The following RNF111 variants were observed in gnomAD, a reference collection of about 807,000 sequenced individuals.
The protein encoded by RNF111 is ring finger protein 111.
A neutral mutation model predicts 95.1 loss-of-function variants in RNF111; 17 were observed. The ratio of observed to expected loss-of-function variants is 0.18; its 90% CI spans 0.12 to 0.27. RNF111 has a LOEUF of 0.27. Among genes scored for constraint, RNF111 ranks in the 10% least tolerant of loss-of-function variants. The pLI, the probability that RNF111 is intolerant of heterozygous loss-of-function variation, is 1.00. For synonymous variants in RNF111, 440 were observed against 414.8 expected (o/e 1.06, Z -0.74); for missense variants, 1,189 against 1,210.4 (o/e 0.98, Z 0.26).
intron 5 of RNF111, among the ~76,000 whole-genome samples, chr15:59,060,279 T>TA (rs1173363367): frequency 6.6e-6 from 1 of 152,050 alleles, no homozygotes; most frequent in Admixed American, 6.6e-5. Flanking sequence ...TTGGGTATCT[T>TA]ATATGTTATT....
intron 4 of RNF111, 22 bp from the exon 5 acceptor site, chr15:59,058,334 G>A: frequency 6.2e-7 from 1 of 1,601,006 alleles, no homozygotes; most frequent in Non-Finnish European, 8.6e-7. Flanking sequence ...GAAATGCTAA[G>A]TTGACATTTT....
At chr15:59,071,554 G>C (rs36125140) in intron 6 of RNF111, among the ~76,000 whole-genome samples, 47,385 of 151,588 alleles carry the variant, frequency 0.31, 7,535 homozygotes, top group Middle Eastern at 0.48. Flanking sequence ...TTAGCTGGGC[G>C]TGGGGTCTCG....
chr15:59,076,173 C>G lies in RNF111; in HGVS notation c.1906C>G (p.Gln636Glu). The change falls in exon 7 of 14, where the codon CAG becomes GAG. Residue 636 changes from glutamine to glutamate, a missense_variant. Transcript: ENST00000348370. ...VAQPQPQPPP[Q>E]PSLSSCRHYM... ...GCAGCCCCAGCCCCAGCCCCCTCCACAGCCCTCTCTCTCATCATGTCGACA... is the reference window on the plus strand; with the variant it reads ...GCAGCCCCAGCCCCAGCCCCCTCCAGAGCCCTCTCTCTCATCATGTCGACA... The G allele has an allele frequency of 2.5e-6, 4 of 1,613,862 alleles. No homozygotes were observed. The highest frequency in any genetic ancestry group is 2.2e-5 in the East Asian group (1 of 44,880).
chr15:59,051,110 A>G (rs1458196377), intron 2 of RNF111, among the ~76,000 whole-genome samples: 1 of 152,186 alleles, frequency 6.6e-6, no homozygotes. Context: ...CTAAATAAGG[A>G]TGCACTTTCC....
rs538681758 is a variant in RNF111 at position 59,052,178 on chromosome 15, C to A, written c.881-127C>A. ...TTCCTTGTGTATTTTTTTAAAAAACCTTTTTGACAGATAAGATTTTTATTT... is the reference window on the plus strand; with the variant it reads ...TTCCTTGTGTATTTTTTTAAAAAACATTTTTGACAGATAAGATTTTTATTT... On this transcript the variant is annotated intron_variant, in intron 2 of 13. Transcript: ENST00000348370. The A allele has an allele frequency of 1.4e-4, 119 of 837,658 alleles. No homozygotes were observed. The East Asian group carries it at 3.2e-3, about 22-fold the overall frequency. The allele number at this position is 837,658 out of a possible 1,614,324, so 51.9% of individuals were successfully genotyped here. A position where few individuals can be genotyped will look rare whatever the true frequency, so the allele number is the denominator to read the frequency against.
intron 2 of RNF111, among the ~76,000 whole-genome samples, chr15:59,039,670 C>T (rs2041350972): frequency 1.3e-5 from 2 of 151,972 alleles, no homozygotes; most frequent in Non-Finnish European, 2.9e-5. Flanking sequence ...GCAGATTAAT[C>T]TACAGTTCCT....
chr15:59,076,528 G>A (rs537710658), intron 7 of RNF111, among the ~76,000 whole-genome samples: 1 of 152,188 alleles, frequency 6.6e-6, no homozygotes, highest in South Asian at 2.1e-4. Flanking sequence ...TTTGGGAGTT[G>A]TAAAAGGATT....
chr15:59,009,959 C>G (rs1208064626), intron 1 of RNF111, among the ~76,000 whole-genome samples: 1 of 151,978 alleles, frequency 6.6e-6, no homozygotes, highest in Non-Finnish European at 1.5e-5. Context: ...ATCTCAAAAA[C>G]AAACAAACAA....
chr15:59,076,579 G>A (rs560624283), intron 7 of RNF111, among the ~76,000 whole-genome samples: 1 of 152,288 alleles, frequency 6.6e-6, no homozygotes, highest in Admixed American at 6.5e-5. Flanking sequence ...TATAACCATG[G>A]TTGGGCATGA....
chr15:59,020,823 G>T (rs1460153465), intron 1 of RNF111, among the ~76,000 whole-genome samples: 3 of 152,142 alleles, frequency 2.0e-5, no homozygotes, highest in Non-Finnish European at 4.4e-5. Flanking sequence ...GGCTTTGATA[G>T]GTTTTATGCT....
At chr15:59,053,388 C>T (rs560074299) in intron 3 of RNF111, among the ~76,000 whole-genome samples, 19 of 152,220 alleles carry the variant, frequency 1.2e-4, no homozygotes, top group South Asian at 4.1e-4. Context: ...AATAATCTAA[C>T]GGATGAATCT....
chr15:59,017,483 A>G (rs1486919680), intron 1 of RNF111, among the ~76,000 whole-genome samples: 1 of 152,222 alleles, frequency 6.6e-6, no homozygotes, highest in African/African-American at 2.4e-5. Context: ...TGAAGCAGCC[A>G]TCTTTTCTGT....
chr15:59,089,702 C>T lies in RNF111; in HGVS notation c.2586C>T (p.Tyr862=), dbSNP rs2078995499. The T allele has an allele frequency of 3.1e-6, 5 of 1,613,630 alleles. No homozygotes were observed. The East Asian group carries it at 8.9e-5, about 29-fold the overall frequency. Residue 862 remains tyrosine, a synonymous_variant, in exon 11 of 14, where the codon TAC becomes TAT. Transcript: ENST00000348370. ...PDMAGYPHIR[Y]ISSGLDGTSF... ...TGGCAGGCTATCCTCACATCCGTTA[C>T]ATTTCATCAGGATTGGATGGAACAT...
rs550698702 is a variant in RNF111 at position 59,058,490 on chromosome 15, A to G, written c.1306A>G (p.Thr436Ala). The G allele has an allele frequency of 8.7e-6, 14 of 1,614,114 alleles. No individual in the cohort carries two copies. In the East Asian group the frequency reaches 2.9e-4, roughly 33 times the overall value. The change falls in exon 5 of 14, where the codon ACA becomes GCA. Residue 436 changes from threonine (T) to alanine (A), a missense_variant. Around this residue, in one of 2 missense-constraint regions of RNF111, gnomAD observed 1,024 missense variants for 925.9 expected, o/e 1.11. Coordinates refer to ENST00000348370, the MANE Select transcript of RNF111 (RefSeq NM_017610.8). Reference protein sequence around the residue: ...ASAVTSSQPSTVSETSATLTS... With the variant: ...ASAVTSSQPSAVSETSATLTS... ...AGCTGTCACCAGTAGCCAACCTTCCACAGTGTCAGAGACTTCAGCTACTCT... is the reference window on the plus strand; with the variant it reads ...AGCTGTCACCAGTAGCCAACCTTCCGCAGTGTCAGAGACTTCAGCTACTCT...
intron 1 of RNF111, among the ~76,000 whole-genome samples, chr15:59,004,601 T>A (rs2141473705): frequency 6.6e-6 from 1 of 152,330 alleles, no homozygotes; most frequent in Non-Finnish European, 1.5e-5. Context: ...TTGTTTAATA[T>A]CTTGGTGTTT....
At chr15:59,033,197 G>A (rs1319078869) in intron 2 of RNF111, among the ~76,000 whole-genome samples, 1 of 152,174 alleles carries the variant, frequency 6.6e-6, no homozygotes, top group South Asian at 2.1e-4. Context: ...CTTATGTCTT[G>A]CCTGTTAAGG....
chr15:59,011,168 T>C (rs1283981438), intron 1 of RNF111, among the ~76,000 whole-genome samples: 1 of 152,196 alleles, frequency 6.6e-6, no homozygotes, highest in Non-Finnish European at 1.5e-5. Flanking sequence ...AATAGGGTAA[T>C]TGGGTCTCTG....
At chr15:59,076,542 A>G (rs1410719650) in intron 7 of RNF111, among the ~76,000 whole-genome samples, 2 of 152,214 alleles carry the variant, frequency 1.3e-5, no homozygotes, top group East Asian at 3.8e-4. Flanking sequence ...AAGGATTTTT[A>G]TATTCATTTG....
At chr15:59,068,347 C>T (rs1210339524) in intron 6 of RNF111, among the ~76,000 whole-genome samples, 1 of 152,228 alleles carries the variant, frequency 6.6e-6, no homozygotes, top group Admixed American at 6.5e-5. Context: ...TGGCTCACGC[C>T]TGTAATTCCA....
Sources: gnomAD v4.1 joint callset for allele counts (sites outside exome capture counted in the v4.1 genomes callset) on GRCh38, gnomAD v4.1.1 for gene constraint, gnomAD v4.1.1 regional missense constraint, MANE v1.5 for transcripts, NCBI Gene and HGNC (gene_info 2026-07-23, HGNC 2026-07-21) for gene names.